The following GFOD1 variants were observed in gnomAD, a reference collection of about 807,000 sequenced individuals.
GFOD1 encodes Gfo/Idh/MocA-like oxidoreductase domain containing 1.
GFOD1 carries 9 observed loss-of-function variants against 25.4 expected under a neutral mutation model. The observed-to-expected ratio is 0.35, with a 90% CI of 0.21 to 0.62. GFOD1 has a LOEUF of 0.62. Among genes scored for constraint, GFOD1 ranks in the 20% least tolerant of loss-of-function variants. The probability of loss-of-function intolerance (pLI) is 0.72; values close to 1 mark genes in which losing one functional copy is unlikely to be tolerated. For missense variants in GFOD1, 403 were observed against 556.9 expected (o/e 0.72, Z 2.78); for synonymous variants, 253 against 245.6 (o/e 1.03, Z -0.28).
intron 1 of GFOD1, among the ~76,000 whole-genome samples, chr6:13,443,504 T>C (rs1475481818): frequency 1.3e-5 from 2 of 151,016 alleles, no homozygotes; most frequent in African/African-American, 5.0e-5. Flanking sequence ...TGCAGCAAAC[T>C]TCATCATTGT....
chr6:13,449,528 T>C (rs1758059629), intron 1 of GFOD1, among the ~76,000 whole-genome samples: 1 of 152,074 alleles, frequency 6.6e-6, no homozygotes. Flanking sequence ...AGTGATAGGG[T>C]TTGGCTGAGT....
At chr6:13,439,107 GT>G (rs1757876691) in intron 1 of GFOD1, among the ~76,000 whole-genome samples, 1 of 152,110 alleles carries the variant, frequency 6.6e-6, no homozygotes, top group African/African-American at 2.4e-5. Context: ...TAGATAGAAG[GT>G]TAGGGGTACA....
intron 1 of GFOD1, among the ~76,000 whole-genome samples, chr6:13,429,503 G>C (rs759187758): frequency 1.3e-5 from 2 of 152,140 alleles, no homozygotes; most frequent in Admixed American, 1.3e-4. Flanking sequence ...GAAAAGTTTG[G>C]GTTTACTGCT....
intron 1 of GFOD1, among the ~76,000 whole-genome samples, chr6:13,466,355 C>A (rs1292777798): frequency 6.6e-6 from 1 of 152,208 alleles, no homozygotes; most frequent in Non-Finnish European, 1.5e-5. Context: ...TTATACTGGC[C>A]TGGTGAGGTC....
chr6:13,400,753 G>A (rs1162107891), intron 1 of GFOD1, among the ~76,000 whole-genome samples: 1 of 152,206 alleles, frequency 6.6e-6, no homozygotes, highest in Admixed American at 6.5e-5. Flanking sequence ...AGTCTTGGGA[G>A]ACCAGAGACA....
chr6:13,421,855 C>T (rs1390243515), intron 1 of GFOD1, among the ~76,000 whole-genome samples: 1 of 152,200 alleles, frequency 6.6e-6, no homozygotes, highest in African/African-American at 2.4e-5. Flanking sequence ...TTGCCGGGCA[C>T]ACGAGGCCTT....
At chr6:13,415,321 C>G (rs1284994003) in intron 1 of GFOD1, among the ~76,000 whole-genome samples, 1 of 152,164 alleles carries the variant, frequency 6.6e-6, no homozygotes, top group African/African-American at 2.4e-5. Flanking sequence ...TCTTTGCCTT[C>G]CAGTTGGCCT....
intron 1 of GFOD1, among the ~76,000 whole-genome samples, chr6:13,418,470 A>C (rs557641839): frequency 3.9e-5 from 6 of 152,202 alleles, no homozygotes; most frequent in Admixed American, 3.9e-4. Context: ...TTTTTATCTC[A>C]GCCTTCAGTT....
chr6:13,470,369 C>A, intron 1 of GFOD1: 1 of 1,550,754 alleles, frequency 6.4e-7, no homozygotes, highest in South Asian at 1.2e-5. Flanking sequence ...GCATTGTGGT[C>A]CCCGTGGGCC....
Position 13,363,718 on chromosome 6 carries a change from G to T in GFOD1, c.*1025C>A, listed in dbSNP as rs1784985650. On this transcript the variant is annotated 3_prime_UTR_variant, in exon 2 of 2. Transcript: ENST00000379287. ...AGAGCCCCAAACACCTCCTGGCTAGGCTCACTTTACCCTCTATTTAGGAAT... is the reference window on the plus strand; with the variant it reads ...AGAGCCCCAAACACCTCCTGGCTAGTCTCACTTTACCCTCTATTTAGGAAT... 1 of 151,894 alleles carries T rather than the reference G, an allele frequency of 6.6e-6. No individual in the cohort carries two copies. The highest frequency in any genetic ancestry group is 2.4e-5 in the African/African-American group (1 of 41,352). 9.4% of individuals were successfully genotyped at this position (151,894 alleles called of 1,614,324 possible).
At chr6:13,474,807 C>T (rs546366324) in intron 1 of GFOD1, among the ~76,000 whole-genome samples, 1 of 152,186 alleles carries the variant, frequency 6.6e-6, no homozygotes, top group Non-Finnish European at 1.5e-5. Context: ...TGGAAATGCC[C>T]CTGGCAGAGG....
In GFOD1 at chr6:13,365,878, C is replaced by CAATAAT. The variant is rs58256557; in HGVS notation, c.254-222_254-217dup. Among the ~76,000 whole-genome samples, 641 of 133,902 alleles carry CAATAAT rather than the reference C, an allele frequency of 4.8e-3. 3 individuals carry two copies. The highest frequency in any genetic ancestry group is 0.015 in the Middle Eastern group (4 of 264). The allele number at this position is 133,902 out of a possible 152,430, so 87.8% of individuals were successfully genotyped here. On this transcript the variant is annotated intron_variant, in intron 1 of 1. Coordinates refer to ENST00000379287, the MANE Select transcript of GFOD1 (RefSeq NM_018988.4). The surrounding 1 kb of genome is among the most constrained non-coding windows in gnomAD (Gnocchi z 9.2). ...TGGGTAACACAGAGAGATCCTGTCT[C>CAATAAT]AATAATAATAATAATAATAATAATA...
At chr6:13,425,426 C>T (rs1786335051) in intron 1 of GFOD1, among the ~76,000 whole-genome samples, 1 of 152,108 alleles carries the variant, frequency 6.6e-6, no homozygotes, top group Admixed American at 6.5e-5. Context: ...CCCCAGGTGT[C>T]CTGTGTTCTT....
intron 1 of GFOD1, among the ~76,000 whole-genome samples, chr6:13,436,862 C>T (rs138942117): frequency 2.0e-5 from 3 of 152,174 alleles, no homozygotes; most frequent in South Asian, 4.1e-4. Context: ...AAATATGAAG[C>T]GAGATCATTT....
chr6:13,374,820 G>A (rs1785227987), intron 1 of GFOD1, among the ~76,000 whole-genome samples: 1 of 130,600 alleles, frequency 7.7e-6, no homozygotes, highest in South Asian at 2.4e-4. Flanking sequence ...TCAGCTTACT[G>A]CAACCTCTGC....
intron 1 of GFOD1, among the ~76,000 whole-genome samples, chr6:13,440,704 A>T (rs1757901585): frequency 6.6e-6 from 1 of 152,220 alleles, no homozygotes; most frequent in African/African-American, 2.4e-5. Flanking sequence ...TATGTTTCCT[A>T]TTAAATCAGA....
At chr6:13,417,790 CAA>C (rs1437094713) in intron 1 of GFOD1, among the ~76,000 whole-genome samples, 1 of 152,166 alleles carries the variant, frequency 6.6e-6, no homozygotes, top group African/African-American at 2.4e-5. Flanking sequence ...GCATGAGTAA[CAA>C]TATCAGTTGC....
intron 1 of GFOD1, among the ~76,000 whole-genome samples, chr6:13,417,184 C>T (rs1043299865): frequency 5.3e-5 from 8 of 152,196 alleles, no homozygotes; most frequent in Non-Finnish European, 1.0e-4. Context: ...TTCGGAGTCT[C>T]GCTCTGTCAC....
Position 13,364,731 on chromosome 6 carries a change from T to C in GFOD1, c.*12A>G. ...TGCAGAAGGCTCAAGTCCCCGAGGT[T>C]CTCAATCTGTGCTAACAGTAGAGGG... On this transcript the variant is annotated 3_prime_UTR_variant, in exon 2 of 2. Transcript: ENST00000379287. The surrounding 1 kb of genome is among the most constrained non-coding windows in gnomAD (Gnocchi z 4.1). 6.3e-7 allele frequency: 1 copy of C among 1,597,668 alleles called. No individual in the cohort carries two copies. The highest frequency in any genetic ancestry group is 2.2e-5 in the East Asian group (1 of 44,526).
Sources: allele counts gnomAD v4.1 joint callset (sites outside exome capture counted in the v4.1 genomes callset), GRCh38; gene constraint gnomAD v4.1.1; non-coding constraint Gnocchi (gnomAD v3.1); transcripts MANE v1.5; gene names NCBI Gene and HGNC (gene_info 2026-07-23, HGNC 2026-07-21).